PIBF1: variants seen among roughly 807,000 people sequenced by gnomAD.
PIBF1 encodes progesterone-induced-blocking factor 1.
PIBF1 carries 90 observed loss-of-function variants against 112.5 expected under a neutral mutation model. The observed-to-expected ratio is 0.80, with a 90% CI of 0.67 to 0.95. The LOEUF is 0.95. PIBF1 is among the 40% of genes least tolerant of loss of function. PIBF1 has a pLI of 0.00. For synonymous variants in PIBF1, 301 were observed against 288.6 expected (o/e 1.04, Z -0.44); for missense variants, 915 against 852.3 (o/e 1.07, Z -0.92).
intron 10 of PIBF1, among the ~76,000 whole-genome samples, chr13:72,876,385 C>G (rs1388912315): frequency 6.6e-6 from 1 of 151,892 alleles, no homozygotes; most frequent in African/African-American, 2.4e-5. Context: ...TAGTTTTATT[C>G]TTCTCTTTCC....
intron 17 of PIBF1, among the ~76,000 whole-genome samples, chr13:73,004,587 T>A: frequency 6.6e-6 from 1 of 152,252 alleles, no homozygotes; most frequent in East Asian, 1.9e-4. Context: ...ATGTCTAATA[T>A]GTATTTTCTA....
chr13:72,908,354 A>G (rs2138654686), intron 11 of PIBF1, among the ~76,000 whole-genome samples, 177 bp from the exon 12 acceptor site: 1 of 152,280 alleles, frequency 6.6e-6, no homozygotes, highest in East Asian at 1.9e-4. Flanking sequence ...AAAACAACTG[A>G]ATTATTTACC....
Position 73,001,471 on chromosome 13 carries a change from A to C in PIBF1, c.2223+2476A>C, listed in dbSNP as rs112869099. ...TCAGTGATGGATGGGTGGATGGATG[A>C]GCGTTTCCATATGCATTGACAATAT... is the stretch of plus-strand genomic sequence containing the variant. On this transcript the variant is annotated intron_variant, in intron 17 of 17. Coordinates refer to ENST00000326291, the MANE Select transcript of PIBF1 (RefSeq NM_006346.4). 2.1e-3 allele frequency among the ~76,000 whole-genome samples: 322 copies of C among 151,770 alleles called. 2 individuals carry two copies. The highest frequency in any genetic ancestry group is 7.2e-3 in the African/African-American group (300 of 41,408).
At chr13:72,890,316 T>C (rs962158637) in intron 10 of PIBF1, among the ~76,000 whole-genome samples, 4 of 152,176 alleles carry the variant, frequency 2.6e-5, no homozygotes. Flanking sequence ...AGAGCACTTC[T>C]TATGGATTAC....
chr13:72,801,551 T>C (rs1405840601), intron 5 of PIBF1, among the ~76,000 whole-genome samples: 2 of 152,218 alleles, frequency 1.3e-5, no homozygotes, highest in African/African-American at 4.8e-5. Flanking sequence ...AACGTAAAGA[T>C]GCAGTATTAA....
intron 5 of PIBF1, 36 bp from the exon 6 acceptor site, chr13:72,821,813 T>A: frequency 6.5e-7 from 1 of 1,546,216 alleles, no homozygotes; most frequent in African/African-American, 1.4e-5. Flanking sequence ...GTTAAGTGTT[T>A]AGTCTGAAAT....
chr13:72,791,073 T>TTTGTTTG (rs555549390), intron 2 of PIBF1, among the ~76,000 whole-genome samples: 28 of 125,892 alleles, frequency 2.2e-4, no homozygotes, highest in African/African-American at 7.3e-4. Flanking sequence ...TTGTTTGTTT[T>TTTGTTTG]AGATGGAGTC....
chr13:72,983,633 T>C (rs2043206215), intron 16 of PIBF1, among the ~76,000 whole-genome samples: 1 of 152,222 alleles, frequency 6.6e-6, no homozygotes, highest in African/African-American at 2.4e-5. Flanking sequence ...TCCCAGATTC[T>C]AACTCATATG....
intron 14 of PIBF1, among the ~76,000 whole-genome samples, chr13:72,953,703 G>C (rs2042365421): frequency 6.6e-6 from 1 of 152,184 alleles, no homozygotes; most frequent in South Asian, 2.1e-4. Flanking sequence ...CAACAGCTGA[G>C]GGCATGCAGA....
At chr13:72,832,322 T>C (rs1230470179) in intron 8 of PIBF1, among the ~76,000 whole-genome samples, 2 of 152,054 alleles carry the variant, frequency 1.3e-5, no homozygotes, top group African/African-American at 4.8e-5. Context: ...GCTAGCTGGT[T>C]GTATTGCCCG....
chr13:72,787,808 G>A (rs1446436953), intron 2 of PIBF1, among the ~76,000 whole-genome samples: 1 of 152,084 alleles, frequency 6.6e-6, no homozygotes, highest in Non-Finnish European at 1.5e-5. Flanking sequence ...GTAGGCCCGT[G>A]CCACAACGCC....
In PIBF1 at chr13:72,986,014, T is replaced by A. The variant is rs1024675776; in HGVS notation, c.2049+12339T>A. Among the ~76,000 whole-genome samples the A allele has an allele frequency of 1.4e-4, 22 of 151,912 alleles. No homozygotes were observed. In the East Asian group the frequency reaches 4.3e-3, roughly 30 times the overall value. On this transcript the variant is annotated intron_variant, in intron 16 of 17. Coordinates refer to ENST00000326291, the MANE Select transcript of PIBF1 (RefSeq NM_006346.4). ...AAAAAAAATTTTTTAAAATAAATAA[T>A]TAGCTAGATGTGGTGGCTCGTGCCT...
intron 14 of PIBF1, among the ~76,000 whole-genome samples, chr13:72,960,901 G>GA (rs201330538): frequency 3.3e-5 from 5 of 151,408 alleles, no homozygotes; most frequent in East Asian, 1.9e-4. Flanking sequence ...CCAAAGCAAA[G>GA]AAAAAAAACA....
intron 13 of PIBF1, among the ~76,000 whole-genome samples, chr13:72,930,336 G>T (rs992519816): frequency 2.6e-5 from 4 of 151,810 alleles, no homozygotes; most frequent in African/African-American, 9.7e-5. Context: ...CAGATTAATA[G>T]GTTAACTAGT....
intron 12 of PIBF1, among the ~76,000 whole-genome samples, chr13:72,913,427 A>G (rs1449370933): frequency 6.6e-6 from 1 of 152,170 alleles, no homozygotes; most frequent in Non-Finnish European, 1.5e-5. Context: ...TCAAAAAAAC[A>G]TTCATGGAAA....
At chr13:72,802,511 A>T (rs1366429373) in intron 5 of PIBF1, among the ~76,000 whole-genome samples, 1 of 152,120 alleles carries the variant, frequency 6.6e-6, no homozygotes, top group Non-Finnish European at 1.5e-5. Context: ...GAAAAAAGGT[A>T]GAGTCATGAA....
At chr13:72,946,194 G>A (rs552079543) in intron 14 of PIBF1, among the ~76,000 whole-genome samples, 1 of 152,220 alleles carries the variant, frequency 6.6e-6, no homozygotes, top group East Asian at 1.9e-4. Flanking sequence ...TGGTGAAAGG[G>A]GAAGCAAACA....
intron 14 of PIBF1, among the ~76,000 whole-genome samples, chr13:72,963,225 A>C (rs2042652669): frequency 6.6e-6 from 1 of 152,236 alleles, no homozygotes; most frequent in Non-Finnish European, 1.5e-5. Context: ...GGATTTGGCA[A>C]TTTCTGCAAA....
intron 9 of PIBF1, among the ~76,000 whole-genome samples, chr13:72,840,223 C>G (rs2037545008): frequency 6.6e-6 from 1 of 152,170 alleles, no homozygotes; most frequent in Non-Finnish European, 1.5e-5. Flanking sequence ...TTGTATCATA[C>G]TAATCTTCCA....
Sources: gnomAD v4.1 joint callset for allele counts (sites outside exome capture counted in the v4.1 genomes callset) on GRCh38, gnomAD v4.1.1 for gene constraint, MANE v1.5 for transcripts, NCBI Gene and HGNC (gene_info 2026-07-23, HGNC 2026-07-21) for gene names.